The following SHISAL2A variants were observed in gnomAD, a reference collection of about 807,000 sequenced individuals.
The protein encoded by SHISAL2A is shisa like 2A.
Under a neutral mutation model 11.5 loss-of-function variants are expected in SHISAL2A, and 18 were observed. The observed-to-expected ratio is 1.57, with a 90% confidence interval of 1.08 to 2.33. SHISAL2A has a LOEUF of 2.33. Ranked by LOEUF, SHISAL2A falls within the 30% of genes most tolerant of loss-of-function variation. The pLI, the probability that SHISAL2A is intolerant of heterozygous loss-of-function variation, is 0.00. For synonymous variants in SHISAL2A, 94 were observed against 99.6 expected (o/e 0.94, Z 0.34); for missense variants, 261 against 250.9 (o/e 1.04, Z -0.27).
chr1:52,652,965 CAAAAAAAAAAAAAA>C (rs36154490), intron 2 of SHISAL2A, among the ~76,000 whole-genome samples: 4 of 22,376 alleles, frequency 1.8e-4, no homozygotes, highest in South Asian at 3.1e-3. Flanking sequence ...GACTCTGTCT[CAAAAAAAAAAAAAA>C]AAAAAAAAAA....
At chr1:52,657,157 C>G, downstream of SHISAL2A, 1 of 1,362,450 alleles carries the variant, frequency 7.3e-7, no homozygotes, top group South Asian at 1.4e-5. Flanking sequence ...AGCAAAGATA[C>G]CCAGCCCTGC....
At chr1:52,640,615 A>C (rs1031526650) in intron 1 of SHISAL2A, among the ~76,000 whole-genome samples, 1 of 152,058 alleles carries the variant, frequency 6.6e-6, no homozygotes. Context: ...TCAAAACAAA[A>C]AAAAAAACAA....
At chr1:52,641,619 G>C (rs1290163034) in intron 1 of SHISAL2A, among the ~76,000 whole-genome samples, 1 of 152,184 alleles carries the variant, frequency 6.6e-6, no homozygotes. Context: ...GACGTTGTCA[G>C]CAGAACCATG....
rs779635263 is a variant in SHISAL2A, at chr1:52,633,685, C to T, written c.182+10C>T. The T allele has an allele frequency of 6.3e-7, 1 of 1,596,272 alleles. No homozygotes were observed. On this transcript the variant is annotated intron_variant, in intron 1 of 2. Coordinates refer to ENST00000517870, the MANE Select transcript of SHISAL2A (RefSeq NM_001042693.3). The surrounding 1 kb of genome is among the most constrained non-coding windows in gnomAD (Gnocchi z 6.4). ...ACATGTGGTGGCTCAGGTACCGTCC[C>T]TGGCCCTCACCCTACCTTGAACCCC...
Position 52,633,843 on chromosome 1 carries a change from C to A in SHISAL2A, c.182+168C>A, listed in dbSNP as rs556742131. ...CACCCCGTGAAACCCCATCTCAGCT[C>A]GATTTCCTCATCCTGACCCCAACCA... On this transcript the variant is annotated intron_variant, in intron 1 of 2. Coordinates refer to ENST00000517870, the MANE Select transcript of SHISAL2A (RefSeq NM_001042693.3). This position sits in a 1 kb window ranked among gnomAD's most constrained non-coding sequence, Gnocchi z 6.4. Among the ~76,000 whole-genome samples the A allele has an allele frequency of 7.9e-5, 12 of 152,024 alleles. No individual in the cohort carries two copies. The highest frequency in any genetic ancestry group is 1.6e-4 in the Non-Finnish European group (11 of 68,022).
At chr1:52,653,229 G>A (rs570839957) in intron 2 of SHISAL2A, among the ~76,000 whole-genome samples, 1 of 137,010 alleles carries the variant, frequency 7.3e-6, no homozygotes, top group South Asian at 2.3e-4. Context: ...CTGGAGGATC[G>A]CTTGAGCCCA....
downstream of SHISAL2A, chr1:52,659,253 G>A (rs1486652577): frequency 6.6e-5 from 10 of 152,086 alleles, no homozygotes; most frequent in Admixed American, 5.3e-4. Flanking sequence ...TTTTTTTATC[G>A]AGACGGGTGG....
At chr1:52,647,975 C>G (rs1026880114) in intron 2 of SHISAL2A, among the ~76,000 whole-genome samples, 13 of 150,186 alleles carry the variant, frequency 8.7e-5, no homozygotes, top group Admixed American at 8.6e-4. Context: ...AGCAGGTACT[C>G]TCATATACTG....
chr1:52,638,027 T>G (rs961842367), intron 1 of SHISAL2A, among the ~76,000 whole-genome samples: 1 of 152,210 alleles, frequency 6.6e-6, no homozygotes, highest in Non-Finnish European at 1.5e-5. Flanking sequence ...ACATTCACCA[T>G]GGAACAACTC....
At position 52,656,851 on chromosome 1, in the gene SHISAL2A, A is replaced by G; in HGVS notation, c.384A>G (p.Pro128=). The change falls in exon 3 of 3, where the codon CCA becomes CCG. Residue 128 remains proline, a synonymous_variant. Transcript: ENST00000517870. ...GVNTGMAAEV[P]KVSPLQQSYS... Reference sequence around the variant, plus strand: ...ACACAGGCATGGCGGCAGAAGTGCCAAAAGTGAGCCCTCTCCAGCAGAGTT... The same window carrying G: ...ACACAGGCATGGCGGCAGAAGTGCCGAAAGTGAGCCCTCTCCAGCAGAGTT... The G allele has an allele frequency of 4.3e-6, 7 of 1,614,158 alleles. No individual in the cohort carries two copies. Among genetic ancestry groups the G allele is most frequent in the African/African-American group, 1.3e-5 (1 of 75,032 alleles).
In SHISAL2A at chr1:52,633,519, T is replaced by C; in HGVS notation, c.26T>C (p.Val9Ala). Residue 9 changes from valine (V) to alanine (A), a missense_variant, in exon 1 of 3, where the codon GTG (valine) becomes GCG (alanine). Val to Ala is a moderately conservative substitution (Grantham distance 64). Coordinates refer to ENST00000517870, the MANE Select transcript of SHISAL2A (RefSeq NM_001042693.3). This position sits in a 1 kb window ranked among gnomAD's most constrained non-coding sequence, Gnocchi z 6.4. MSGACTSY[V>A]SAEQEVVRGF... The stretch of plus-strand genomic sequence containing the variant: ...ATGAGCGGCGCCTGCACGAGCTACG[T>C]GAGCGCAGAGCAGGAGGTGGTGCGC... The C allele has an allele frequency of 6.3e-7, 1 of 1,579,468 alleles. No individual in the cohort carries two copies. The highest frequency in any genetic ancestry group is 8.6e-7 in the Non-Finnish European group (1 of 1,166,056).
rs1691167175 is a variant in SHISAL2A at position 52,633,302 on chromosome 1, G to A, written c.-192G>A. 2 of 493,600 alleles carry A rather than the reference G, an allele frequency of 4.1e-6. No individual in the cohort carries two copies. Among genetic ancestry groups the A allele is most frequent in the Non-Finnish European group, 6.7e-6 (2 of 296,312 alleles). The allele number at this position is 493,600 out of a possible 1,614,324, so 30.6% of individuals were successfully genotyped here. On this transcript the variant is annotated 5_prime_UTR_variant, in exon 1 of 3. Coordinates refer to ENST00000517870, the MANE Select transcript of SHISAL2A (RefSeq NM_001042693.3). This position sits in a 1 kb window ranked among gnomAD's most constrained non-coding sequence, Gnocchi z 6.4. ...CTGCCCCTACCCCTCCGCGCGGGCCGGGCACCTGGCCGCCGCTCGGTCCTC... is the reference window on the plus strand; with the variant it reads ...CTGCCCCTACCCCTCCGCGCGGGCCAGGCACCTGGCCGCCGCTCGGTCCTC...
At chr1:52,661,471 T>C (rs1691905958), downstream of SHISAL2A, among the ~76,000 whole-genome samples, 1 of 152,204 alleles carries the variant, frequency 6.6e-6, no homozygotes, top group African/African-American at 2.4e-5. Context: ...CTCCTCCTGA[T>C]CTGTGCCTGT....
chr1:52,634,918 A>G (rs1291126170), intron 1 of SHISAL2A, among the ~76,000 whole-genome samples: 3 of 152,232 alleles, frequency 2.0e-5, no homozygotes, highest in Non-Finnish European at 2.9e-5. Flanking sequence ...GCTGAAATCA[A>G]CTTGACATAT....
exon 5 of SHISAL2A, chr1:52,667,491 T>A (rs186398729): frequency 2.5e-5 from 13 of 522,498 alleles, no homozygotes; most frequent in Middle Eastern, 9.8e-4. Context: ...ACCATCACCA[T>A]CACCATCACC....
chr1:52,650,406 T>G (rs1051721196), intron 2 of SHISAL2A, among the ~76,000 whole-genome samples: 1 of 152,166 alleles, frequency 6.6e-6, no homozygotes, highest in Non-Finnish European at 1.5e-5. Context: ...CTGCTGTCAG[T>G]GTGTGGCCTT....
At chr1:52,639,122 A>T (rs1691301694) in intron 1 of SHISAL2A, among the ~76,000 whole-genome samples, 1 of 152,038 alleles carries the variant, frequency 6.6e-6, no homozygotes, top group African/African-American at 2.4e-5. Flanking sequence ...GCAGTGAGCC[A>T]TGATGGTGCC....
intron 2 of SHISAL2A, among the ~76,000 whole-genome samples, chr1:52,650,178 C>T (rs780318312): frequency 6.6e-6 from 1 of 152,200 alleles, no homozygotes; most frequent in South Asian, 2.1e-4. Flanking sequence ...CGCCGAGGAA[C>T]CAAACATGCT....
chr1:52,668,618 G>A (rs1051475452), exon 6 of SHISAL2A: 6 of 152,200 alleles, frequency 3.9e-5, no homozygotes, highest in African/African-American at 1.4e-4. Context: ...TCAGCCACAC[G>A]AATGAGTGTA....
Sources: gnomAD v4.1 joint callset for allele counts (sites outside exome capture counted in the v4.1 genomes callset) on GRCh38, gnomAD v4.1.1 for gene constraint, Gnocchi (gnomAD v3.1) non-coding constraint, MANE v1.5 for transcripts, NCBI Gene and HGNC (gene_info 2026-07-23, HGNC 2026-07-21) for gene names.